The following CHN2 variants were observed in gnomAD, a reference collection of about 807,000 sequenced individuals.
The protein encoded by CHN2 is beta-chimaerin.
In CHN2, 35 loss-of-function variants were observed where a neutral mutation model predicts 56.3. The ratio of observed to expected loss-of-function variants is 0.62; its 90% CI spans 0.47 to 0.82. The LOEUF is 0.82. Among genes scored for constraint, CHN2 ranks in the 40% least tolerant of loss-of-function variants. The pLI is 0.00. For missense variants in CHN2, 491 were observed against 580.5 expected (o/e 0.85, Z 1.58); for synonymous variants, 210 against 212.8 (o/e 0.99, Z 0.12).
At chr7:29,367,909 TC>T in intron 2 of CHN2, 22 bp from the exon 3 acceptor site, 1 of 1,603,422 alleles carries the variant, frequency 6.2e-7, no homozygotes. Context: ...TATTTCTCTC[TC>T]TCTCTCTCTC....
intron 3 of CHN2, among the ~76,000 whole-genome samples, chr7:29,372,377 C>G (rs1482574770): frequency 2.0e-5 from 3 of 152,076 alleles, no homozygotes; most frequent in Non-Finnish European, 4.4e-5. Context: ...TAGCACCTCC[C>G]CAACCCTTGG....
At chr7:29,215,018 T>A (rs1785231360) in intron 1 of CHN2, among the ~76,000 whole-genome samples, 1 of 152,166 alleles carries the variant, frequency 6.6e-6, no homozygotes, top group Admixed American at 6.5e-5. Flanking sequence ...GCAGAGACAC[T>A]GCCACACCAG....
intron 6 of CHN2, among the ~76,000 whole-genome samples, chr7:29,437,454 C>T (rs979108684): frequency 1.5e-5 from 2 of 131,908 alleles, no homozygotes; most frequent in South Asian, 2.3e-4. Flanking sequence ...AAAAATTAGC[C>T]GGGCGTGGTG....
At chr7:29,453,161 G>A (rs1784520491) in intron 6 of CHN2, among the ~76,000 whole-genome samples, 1 of 152,158 alleles carries the variant, frequency 6.6e-6, no homozygotes, top group Admixed American at 6.5e-5. Context: ...ATATGAGTTA[G>A]ACCTTGGAAC....
chr7:29,185,826 G>A (rs1798641437), intron 2 of CHN2, among the ~76,000 whole-genome samples: 1 of 152,136 alleles, frequency 6.6e-6, no homozygotes, highest in African/African-American at 2.4e-5. Context: ...GCCCCTGGAT[G>A]TGAATCTGCA....
At position 29,197,985 on chromosome 7, in the gene CHN2, T is replaced by G. The variant is rs1415196069; in HGVS notation, c.49+2995T>G. 1.8e-5 allele frequency: 8 copies of G among 456,276 alleles called. No individual in the cohort carries two copies. The Admixed American group carries it at 1.9e-4, about 11-fold the overall frequency. The allele number at this position is 456,276 out of a possible 1,614,324, so 28.3% of individuals were successfully genotyped here. On this transcript the variant is annotated intron_variant, in intron 1 of 12. Transcript: ENST00000222792. ...GCTTAGGTAAAGGCCTGGAGATGGG[T>G]AAGTTCATGGCATTATTTTGACTTT...
intron 6 of CHN2, among the ~76,000 whole-genome samples, chr7:29,436,901 T>G (rs1783265913): frequency 6.6e-6 from 1 of 151,826 alleles, no homozygotes; most frequent in Admixed American, 6.6e-5. Flanking sequence ...AACCTTTTTT[T>G]TTAAGCTACA....
intron 6 of CHN2, among the ~76,000 whole-genome samples, chr7:29,469,325 C>A (rs930974138): frequency 1.3e-5 from 2 of 152,180 alleles, no homozygotes; most frequent in Non-Finnish European, 2.9e-5. Flanking sequence ...CTTTAGCCCC[C>A]CTACAGTCAT....
chr7:29,507,907 T>C (rs1259043091), intron 11 of CHN2, among the ~76,000 whole-genome samples: 3 of 152,214 alleles, frequency 2.0e-5, no homozygotes, highest in Admixed American at 1.3e-4. Flanking sequence ...GTGCGGCCCA[T>C]AGGCTGCGGG....
intron 12 of CHN2, among the ~76,000 whole-genome samples, chr7:29,511,158 C>T (rs1791313135): frequency 1.7e-4 from 1 of 5,774 alleles, no homozygotes; most frequent in Admixed American, 1.2e-3. Flanking sequence ...AAACGGAGGA[C>T]TGTATAAACA....
At chr7:29,196,306 G>A (rs955838697) in intron 1 of CHN2, among the ~76,000 whole-genome samples, 2 of 152,126 alleles carry the variant, frequency 1.3e-5, no homozygotes, top group African/African-American at 2.4e-5. Context: ...TTCCTTTCTC[G>A]ATCACTGCCA....
At chr7:29,190,450 G>T (rs1190169602), upstream of CHN2, among the ~76,000 whole-genome samples, 1 of 152,178 alleles carries the variant, frequency 6.6e-6, no homozygotes, top group Admixed American at 6.5e-5. Flanking sequence ...CACAGCTCCT[G>T]CTATGACAGC....
chr7:29,416,168 G>C (rs184699682), intron 6 of CHN2, among the ~76,000 whole-genome samples: 1 of 152,156 alleles, frequency 6.6e-6, no homozygotes, highest in Non-Finnish European at 1.5e-5. Context: ...ATGAATTAGC[G>C]TGTTTGCATT....
chr7:29,265,323 T>A (rs1790050873), intron 1 of CHN2, among the ~76,000 whole-genome samples: 1 of 152,198 alleles, frequency 6.6e-6, no homozygotes, highest in South Asian at 2.1e-4. Flanking sequence ...ACTCATTGGA[T>A]TTGCTATCTG....
intron 1 of CHN2, among the ~76,000 whole-genome samples, chr7:29,258,370 C>T (rs371637342): frequency 1.2e-3 from 177 of 152,310 alleles, no homozygotes; most frequent in African/African-American, 4.1e-3. Context: ...GCTTTGTGCT[C>T]AAGAGTCTAC....
chr7:29,210,927 G>A (rs1029931071), intron 1 of CHN2, among the ~76,000 whole-genome samples: 1 of 152,054 alleles, frequency 6.6e-6, no homozygotes, highest in Non-Finnish European at 1.5e-5. Context: ...GGGGTAAATA[G>A]GACTGGCAGG....
intron 1 of CHN2, among the ~76,000 whole-genome samples, chr7:29,320,864 G>T (rs992309835): frequency 1.2e-4 from 19 of 152,142 alleles, no homozygotes; most frequent in African/African-American, 4.6e-4. Context: ...TGTTTGCAAA[G>T]GTGAATCTGC....
At chr7:29,427,378 G>A (rs1804969433) in intron 6 of CHN2, among the ~76,000 whole-genome samples, 1 of 152,026 alleles carries the variant, frequency 6.6e-6, no homozygotes, top group Admixed American at 6.6e-5. Context: ...TCTTTAGGTC[G>A]ACTAATTACA....
intron 11 of CHN2, 93 bp from the exon 12 acceptor site, chr7:29,509,208 C>T: frequency 1.2e-6 from 1 of 841,528 alleles, no homozygotes; most frequent in Non-Finnish European, 2.0e-6. Flanking sequence ...GAATCCTTCC[C>T]CACTTCTGGC....
Sources: allele counts gnomAD v4.1 joint callset (sites outside exome capture counted in the v4.1 genomes callset), GRCh38; gene constraint gnomAD v4.1.1; transcripts MANE v1.5; gene names NCBI Gene and HGNC (gene_info 2026-07-23, HGNC 2026-07-21).